The following PLXNC1 variants were observed in gnomAD, a reference collection of about 807,000 sequenced individuals.
PLXNC1 encodes the protein plexin-C1.
Under a neutral mutation model 178.2 loss-of-function variants are expected in PLXNC1, and 75 were observed. The ratio of observed to expected loss-of-function variants is 0.42; its 90% CI spans 0.35 to 0.51. PLXNC1 has a LOEUF of 0.51. Ranked by LOEUF, PLXNC1 falls within the 20% of genes least tolerant of loss-of-function variation. The probability of loss-of-function intolerance (pLI) is 0.02; values close to 1 mark genes in which losing one functional copy is unlikely to be tolerated. For synonymous variants in PLXNC1, 790 were observed against 779.9 expected (o/e 1.01, Z -0.22); for missense variants, 1,503 against 1,984.4 (o/e 0.76, Z 4.61).
At chr12:94,283,164 C>CG (rs980131926) in intron 23 of PLXNC1, among the ~76,000 whole-genome samples, 290 of 149,652 alleles carry the variant, frequency 1.9e-3, no homozygotes, top group African/African-American at 7.0e-3. Flanking sequence ...CAAAAAAGGA[C>CG]GGAGAGACAA....
chr12:94,214,290 T>C (rs1316957422), intron 5 of PLXNC1, among the ~76,000 whole-genome samples: 2 of 152,104 alleles, frequency 1.3e-5, no homozygotes, highest in Non-Finnish European at 2.9e-5. Flanking sequence ...TCTCCCTATG[T>C]TGCCCAGGCT....
intron 1 of PLXNC1, among the ~76,000 whole-genome samples, chr12:94,152,617 C>T (rs1961001002): frequency 6.6e-6 from 1 of 152,232 alleles, no homozygotes; most frequent in Admixed American, 6.5e-5. Context: ...CTAGAGGGAA[C>T]CTCAATAGAT....
chr12:94,156,023 G>A (rs1246093110), intron 1 of PLXNC1, among the ~76,000 whole-genome samples: 1 of 152,128 alleles, frequency 6.6e-6, no homozygotes, highest in Non-Finnish European at 1.5e-5. Context: ...GGTCAATTGG[G>A]ACCAAAGCTA....
intron 2 of PLXNC1, among the ~76,000 whole-genome samples, chr12:94,173,384 A>C (rs1484645913): frequency 6.6e-6 from 1 of 152,186 alleles, no homozygotes; most frequent in Non-Finnish European, 1.5e-5. Flanking sequence ...ATATGCATGA[A>C]ATTTGAAATT....
chr12:94,230,063 A>G (rs1048897631), intron 9 of PLXNC1, among the ~76,000 whole-genome samples: 2 of 152,196 alleles, frequency 1.3e-5, no homozygotes, highest in Non-Finnish European at 2.9e-5. Flanking sequence ...AAGGCTCCCC[A>G]GGTTGCCCTT....
chr12:94,234,987 G>A (rs1302663111), intron 9 of PLXNC1, among the ~76,000 whole-genome samples: 10 of 152,270 alleles, frequency 6.6e-5, no homozygotes, highest in Non-Finnish European at 7.4e-5. Flanking sequence ...TCTACATTTT[G>A]TTTTAAAAAT....
chr12:94,247,353 A>C (rs1964556391), intron 12 of PLXNC1, among the ~76,000 whole-genome samples: 1 of 152,074 alleles, frequency 6.6e-6, no homozygotes, highest in African/African-American at 2.4e-5. Flanking sequence ...TTATGCCTGA[A>C]AACCCTTGTC....
At chr12:94,228,982 C>T (rs748352023) in intron 9 of PLXNC1, among the ~76,000 whole-genome samples, 7 of 152,150 alleles carry the variant, frequency 4.6e-5, no homozygotes, top group East Asian at 1.9e-4. Flanking sequence ...ACCATTGTAC[C>T]GTTTTCCATA....
intron 7 of PLXNC1, 189 bp from the exon 8 acceptor site, chr12:94,226,416 G>A: frequency 1.9e-6 from 1 of 527,090 alleles, no homozygotes; most frequent in Non-Finnish European, 3.4e-6. Context: ...CCCTGCAGGT[G>A]CCATTCCGGC....
At chr12:94,241,258 C>T (rs1272470078) in intron 11 of PLXNC1, among the ~76,000 whole-genome samples, 7 of 152,054 alleles carry the variant, frequency 4.6e-5, no homozygotes, top group African/African-American at 7.3e-5. Context: ...TTATGGGACA[C>T]GTGATGTTTT....
intron 1 of PLXNC1, among the ~76,000 whole-genome samples, chr12:94,166,544 AT>A (rs2135936771): frequency 6.7e-6 from 1 of 148,848 alleles, no homozygotes; most frequent in South Asian, 2.1e-4. Context: ...TATTATTATT[AT>A]TATTATTATT....
chr12:94,247,664 A>G (rs375996006), intron 12 of PLXNC1, among the ~76,000 whole-genome samples: 4 of 152,138 alleles, frequency 2.6e-5, no homozygotes, highest in African/African-American at 9.7e-5. Flanking sequence ...GCATGTTTTG[A>G]GTGCTTACTG....
chr12:94,226,763 C>A (rs2136028878), intron 8 of PLXNC1, 56 bp downstream of exon 8: 1 of 1,240,282 alleles, frequency 8.1e-7, no homozygotes, highest in African/African-American at 1.5e-5. Flanking sequence ...GTGGCTCACG[C>A]CTGCAATCCC....
At chr12:94,155,079 G>T (rs151165254) in intron 1 of PLXNC1, among the ~76,000 whole-genome samples, 1 of 152,102 alleles carries the variant, frequency 6.6e-6, no homozygotes, top group Non-Finnish European at 1.5e-5. Flanking sequence ...AGGTTACATG[G>T]TGTCCTTTAC....
intron 14 of PLXNC1, among the ~76,000 whole-genome samples, chr12:94,248,654 T>C (rs754966982): frequency 2.7e-4 from 41 of 152,140 alleles, no homozygotes; most frequent in Non-Finnish European, 5.3e-4. Flanking sequence ...TCCTAATGAG[T>C]CTTGATAGCT....
intron 23 of PLXNC1, among the ~76,000 whole-genome samples, chr12:94,285,908 T>C (rs530226254): frequency 3.6e-4 from 55 of 152,250 alleles, no homozygotes; most frequent in Admixed American, 3.3e-3. Flanking sequence ...TCAGCATCCC[T>C]TGGCCACTGT....
At chr12:94,296,160 G>A (rs79455256) in intron 24 of PLXNC1, among the ~76,000 whole-genome samples, 15,065 of 151,862 alleles carry the variant, frequency 0.099, 864 homozygotes, top group Admixed American at 0.15. Flanking sequence ...AGATGTGCTC[G>A]TCTCTCTCAT....
At chr12:94,223,403 T>C (rs1356886146) in intron 6 of PLXNC1, among the ~76,000 whole-genome samples, 1 of 152,218 alleles carries the variant, frequency 6.6e-6, no homozygotes, top group Non-Finnish European at 1.5e-5. Context: ...GCCCCAAACC[T>C]GGGCTCTATA....
intron 4 of PLXNC1, among the ~76,000 whole-genome samples, chr12:94,206,421 G>A (rs1318329408): frequency 3.3e-5 from 5 of 151,546 alleles, no homozygotes; most frequent in Admixed American, 3.3e-4. Context: ...TTCATTGACT[G>A]AATTGTTTCT....
Sources: gnomAD v4.1 joint callset for allele counts (sites outside exome capture counted in the v4.1 genomes callset) on GRCh38, gnomAD v4.1.1 for gene constraint, MANE v1.5 for transcripts, NCBI Gene and HGNC (gene_info 2026-07-23, HGNC 2026-07-21) for gene names.